The following SH3GL3 variants were observed in gnomAD, a reference collection of about 807,000 sequenced individuals.
SH3GL3 encodes SH3 domain containing GRB2 like 3, endophilin A3.
Under a neutral mutation model 47.7 loss-of-function variants are expected in SH3GL3, and 33 were observed. The ratio of observed to expected loss-of-function variants is 0.69; its 90% CI spans 0.52 to 0.92. SH3GL3 has a LOEUF of 0.92. SH3GL3 is among the 40% of genes least tolerant of loss of function. The probability of loss-of-function intolerance (pLI) is 0.00; values close to 1 mark genes in which losing one functional copy is unlikely to be tolerated. For synonymous variants in SH3GL3, 155 were observed against 148.8 expected (o/e 1.04, Z -0.30); for missense variants, 363 against 417.8 (o/e 0.87, Z 1.14).
intron 8 of SH3GL3, among the ~76,000 whole-genome samples, chr15:83,596,678 C>A (rs2060245066): frequency 6.6e-6 from 1 of 152,168 alleles, no homozygotes; most frequent in Non-Finnish European, 1.5e-5. Context: ...CCATGTTGCT[C>A]AGGCTGGTCT....
chr15:83,472,810 T>C (rs546571895), intron 1 of SH3GL3, among the ~76,000 whole-genome samples: 2 of 152,328 alleles, frequency 1.3e-5, no homozygotes, highest in Non-Finnish European at 2.9e-5. Context: ...CTCTGGATCT[T>C]AATTACATTG....
chr15:83,455,971 G>A (rs1239285893), intron 1 of SH3GL3, among the ~76,000 whole-genome samples: 1 of 38,002 alleles, frequency 2.6e-5, no homozygotes, highest in African/African-American at 9.5e-5. Context: ...TGATGGTGAT[G>A]TACAGATGGG....
At chr15:83,616,831 AAAG>A (rs768601754) in intron 8 of SH3GL3, among the ~76,000 whole-genome samples, 1 of 152,114 alleles carries the variant, frequency 6.6e-6, no homozygotes, top group East Asian at 1.9e-4. Context: ...GAAGGAAGGA[AAAG>A]AAGAGATGAA....
intron 8 of SH3GL3, among the ~76,000 whole-genome samples, chr15:83,591,919 C>T (rs377415528): frequency 9.3e-5 from 14 of 151,294 alleles, no homozygotes; most frequent in African/African-American, 1.5e-4. Context: ...GTGATCCGCC[C>T]GCCTTGGCCT....
At chr15:83,624,254 T>C in the SH3GL3 span, among the ~76,000 whole-genome samples, 4 of 152,178 alleles carry the variant, frequency 2.6e-5, no homozygotes, top group Non-Finnish European at 4.4e-5. Flanking sequence ...ACTCACCCAG[T>C]GTCTGTCCTA....
chr15:83,559,336 A>G lies in SH3GL3; in HGVS notation c.114+15A>G. ...ACATGGAAAGGGTAAGAGCATTTTA[A>G]TATGTAAATTGATTAGAAACTGACT... On this transcript the variant is annotated intron_variant, in intron 2 of 8. Coordinates refer to ENST00000427482, the MANE Select transcript of SH3GL3 (RefSeq NM_003027.5). The G allele has an allele frequency of 7.1e-7, 1 of 1,405,580 alleles. No homozygotes were observed. Among genetic ancestry groups the G allele is most frequent in the Non-Finnish European group, 1.0e-6 (1 of 990,042 alleles). 87.1% of individuals were successfully genotyped at this position (1,405,580 alleles called of 1,614,324 possible).
At chr15:83,464,512 C>T (rs2040470685) in intron 1 of SH3GL3, among the ~76,000 whole-genome samples, 1 of 152,182 alleles carries the variant, frequency 6.6e-6, no homozygotes, top group African/African-American at 2.4e-5. Flanking sequence ...TGCATCACCT[C>T]TCTCCTTGGA....
rs535116065 is a variant in SH3GL3, at chr15:83,613,115, C to T, written c.839-4967C>T. Among the ~76,000 whole-genome samples the T allele has an allele frequency of 1.1e-4, 17 of 152,282 alleles. No individual in the cohort carries two copies. The South Asian group carries it at 1.5e-3, about 13-fold the overall frequency. On this transcript the variant is annotated intron_variant, in intron 8 of 8. Coordinates refer to ENST00000427482, the MANE Select transcript of SH3GL3 (RefSeq NM_003027.5). ...TGCATTGATACTTCAGAATATCGTC[C>T]GGCTGCATGTATAATTCAGGGCAGC...
intron 1 of SH3GL3, among the ~76,000 whole-genome samples, chr15:83,481,741 T>C (rs1482180240): frequency 2.6e-5 from 4 of 152,198 alleles, no homozygotes. Flanking sequence ...TCTTTTGACA[T>C]GTGCAGAGAA....
intron 1 of SH3GL3, among the ~76,000 whole-genome samples, chr15:83,516,407 T>C (rs147635999): frequency 2.5e-4 from 38 of 152,278 alleles, no homozygotes; most frequent in African/African-American, 7.9e-4. Context: ...ACAACCTAAG[T>C]AGGTGTATTA....
chr15:83,579,199 C>T (rs896802670), intron 6 of SH3GL3, among the ~76,000 whole-genome samples: 3 of 152,202 alleles, frequency 2.0e-5, no homozygotes, highest in African/African-American at 7.2e-5. Context: ...CCACCCTGCC[C>T]CAGCAGAAGT....
chr15:83,588,870 C>T (rs2060019563), intron 8 of SH3GL3, 99 bp downstream of exon 8: 1 of 684,972 alleles, frequency 1.5e-6, no homozygotes, highest in African/African-American at 1.8e-5. Context: ...TACACACAGA[C>T]CCTGGATATC....
At chr15:83,516,694 T>A (rs901458485) in intron 1 of SH3GL3, among the ~76,000 whole-genome samples, 1 of 151,924 alleles carries the variant, frequency 6.6e-6, no homozygotes, top group African/African-American at 2.4e-5. Flanking sequence ...CAGCACCAAG[T>A]CATGAGGGGT....
chr15:83,534,111 G>C (rs1172528153), intron 1 of SH3GL3, among the ~76,000 whole-genome samples: 1 of 152,080 alleles, frequency 6.6e-6, no homozygotes, highest in African/African-American at 2.4e-5. Context: ...GCCTTTAGGA[G>C]GTGATTAGGC....
At chr15:83,618,948 A>G (rs2060895293), downstream of SH3GL3, among the ~76,000 whole-genome samples, 1 of 152,088 alleles carries the variant, frequency 6.6e-6, no homozygotes, top group African/African-American at 2.4e-5. Context: ...ACTTACCTTC[A>G]AGTTTATTTA....
At chr15:83,501,242 A>G (rs749112221) in intron 1 of SH3GL3, among the ~76,000 whole-genome samples, 15 of 152,296 alleles carry the variant, frequency 9.8e-5, no homozygotes, top group Non-Finnish European at 2.1e-4. Flanking sequence ...TTAAATTTGT[A>G]ATTATTGTCT....
rs755153982 is a variant in SH3GL3, at chr15:83,490,926, G to C, written c.45+43348G>C. Reference sequence around the variant, plus strand: ...AGGTAATAAATGGGAAAATGTTAAGGGGGAGTGGTTGGGGAAGAACAGTAA... The same window carrying C: ...AGGTAATAAATGGGAAAATGTTAAGCGGGAGTGGTTGGGGAAGAACAGTAA... On this transcript the variant is annotated intron_variant, in intron 1 of 8. Coordinates refer to ENST00000427482, the MANE Select transcript of SH3GL3 (RefSeq NM_003027.5). 3.7e-6 allele frequency: 6 copies of C among 1,613,972 alleles called. No homozygotes were observed. In the South Asian group the frequency reaches 5.5e-5, roughly 15 times the overall value.
chr15:83,625,036 G>A, the SH3GL3 span, among the ~76,000 whole-genome samples: 4 of 152,002 alleles, frequency 2.6e-5, no homozygotes, highest in Non-Finnish European at 5.9e-5. Context: ...TGAGGCGGGT[G>A]GATTGTGAGG....
intron 2 of SH3GL3, among the ~76,000 whole-genome samples, chr15:83,561,249 C>G (rs965983499): frequency 2.6e-5 from 4 of 151,684 alleles, no homozygotes; most frequent in African/African-American, 9.7e-5. Context: ...AAAAAAAACT[C>G]GATAAATTTC....
Sources: gnomAD v4.1 joint callset for allele counts (sites outside exome capture counted in the v4.1 genomes callset) on GRCh38, gnomAD v4.1.1 for gene constraint, MANE v1.5 for transcripts, NCBI Gene and HGNC (gene_info 2026-07-23, HGNC 2026-07-21) for gene names.